The following PTPRD variants were observed in gnomAD, a reference collection of about 807,000 sequenced individuals.
PTPRD encodes the protein protein tyrosine phosphatase receptor type D, also known as receptor-type tyrosine-protein phosphatase delta.
PTPRD carries 34 observed loss-of-function variants against 214.5 expected under a neutral mutation model. The observed-to-expected ratio is 0.16, with a 90% confidence interval of 0.12 to 0.21. The LOEUF is 0.21. PTPRD is among the 10% of genes least tolerant of loss of function. PTPRD has a pLI of 1.00. For missense variants in PTPRD, 2,545 were observed against 2,398.7 expected, an observed-to-expected ratio of 1.06 and a Z score of -1.27; for synonymous variants, 1,128 against 845.7, an observed-to-expected ratio of 1.33 and a Z score of -5.79.
chr9:9,194,818 G>A (rs2099937319), intron 9 of PTPRD, among the ~76,000 whole-genome samples: 1 of 151,996 alleles, frequency 6.6e-6, no homozygotes, highest in Non-Finnish European at 1.5e-5. Context: ...AAGGGGATGT[G>A]GAACAAAATG....
intron 2 of PTPRD, among the ~76,000 whole-genome samples, chr9:10,410,238 C>T (rs993844610): frequency 2.1e-5 from 2 of 97,112 alleles, no homozygotes; most frequent in Non-Finnish European, 4.4e-5. Flanking sequence ...AGGTAATTAA[C>T]TGGACATATT....
At chr9:9,169,265 G>C (rs1045347604) in intron 10 of PTPRD, among the ~76,000 whole-genome samples, 4 of 151,862 alleles carry the variant, frequency 2.6e-5, no homozygotes, top group African/African-American at 9.7e-5. Flanking sequence ...ATATATAAAG[G>C]TCATACTACA....
intron 12 of PTPRD, among the ~76,000 whole-genome samples, chr9:8,664,016 T>G (rs2154357106): frequency 6.6e-6 from 1 of 152,106 alleles, no homozygotes; most frequent in African/African-American, 2.4e-5. Flanking sequence ...CATGGAAAAA[T>G]ATTTCCTGCA....
intron 11 of PTPRD, among the ~76,000 whole-genome samples, chr9:8,897,361 G>C (rs1378047180): frequency 6.6e-6 from 1 of 152,126 alleles, no homozygotes; most frequent in East Asian, 1.9e-4. Context: ...GATTGAGCTG[G>C]GCTGGAATTT....
At chr9:8,351,470 T>C (rs1213688727) in intron 39 of PTPRD, among the ~76,000 whole-genome samples, 3 of 151,006 alleles carry the variant, frequency 2.0e-5, no homozygotes, top group Admixed American at 6.6e-5. Flanking sequence ...TATAAAGCAA[T>C]GGGTAAAAAG....
chr9:9,485,149 A>G (rs1270825223), intron 8 of PTPRD, among the ~76,000 whole-genome samples: 1 of 152,206 alleles, frequency 6.6e-6, no homozygotes, highest in Admixed American at 6.5e-5. Context: ...TCTCCACTGT[A>G]AAAATAATCT....
intron 10 of PTPRD, among the ~76,000 whole-genome samples, chr9:9,080,929 C>G (rs2154421397): frequency 6.6e-6 from 1 of 152,028 alleles, no homozygotes; most frequent in African/African-American, 2.4e-5. Flanking sequence ...TTTTGTTAAT[C>G]TTTTCAAAAA....
At chr9:9,717,325 G>C (rs756749116) in intron 7 of PTPRD, among the ~76,000 whole-genome samples, 26 of 152,170 alleles carry the variant, frequency 1.7e-4, no homozygotes, top group Non-Finnish European at 3.4e-4. Flanking sequence ...GATTGACTTG[G>C]TAATGCGGGC....
chr9:9,847,194 A>C (rs993111356), intron 5 of PTPRD, among the ~76,000 whole-genome samples: 13 of 152,098 alleles, frequency 8.5e-5, no homozygotes, highest in African/African-American at 3.1e-4. Context: ...TTGTCCCTGT[A>C]CATGATTAAA....
intron 36 of PTPRD, among the ~76,000 whole-genome samples, chr9:8,390,552 C>T (rs1214094206): frequency 3.1e-5 from 4 of 129,964 alleles, no homozygotes; most frequent in Admixed American, 1.4e-4. Flanking sequence ...TGTTAAGTTG[C>T]TTTATTGCCT....
intron 9 of PTPRD, among the ~76,000 whole-genome samples, chr9:9,326,178 G>T (rs975010975): frequency 1.3e-5 from 2 of 152,226 alleles, no homozygotes; most frequent in African/African-American, 4.8e-5. Context: ...GTGACTTAAT[G>T]AAGGGAAAGA....
chr9:9,234,521 C>T (rs931477309), intron 9 of PTPRD, among the ~76,000 whole-genome samples: 1 of 152,176 alleles, frequency 6.6e-6, no homozygotes, highest in Non-Finnish European at 1.5e-5. Context: ...GAATTTCTCC[C>T]CAGAAAATTG....
chr9:10,163,076 G>C (rs74954604), intron 3 of PTPRD, among the ~76,000 whole-genome samples: 4,154 of 150,556 alleles, frequency 0.028, 75 homozygotes, highest in South Asian at 0.063. Context: ...AATAAGAAAA[G>C]GAATCATGAA....
chr9:8,778,021 C>T (rs758284909), intron 11 of PTPRD, among the ~76,000 whole-genome samples: 7 of 152,150 alleles, frequency 4.6e-5, no homozygotes, highest in African/African-American at 1.7e-4. Flanking sequence ...GGATTGGTTA[C>T]TTGCTTTCTC....
rs186337205 is a variant in PTPRD, at chr9:8,827,588, T to C, written c.-103-93642A>G. 4.6e-4 allele frequency among the ~76,000 whole-genome samples: 70 copies of C among 152,252 alleles called. No individual in the cohort carries two copies. The East Asian group carries it at 0.012, about 26-fold the overall frequency. Reference sequence around the variant, plus strand: ...GGCCACCACACTCCAGCCTGGGCAATAGAGTGAGACTCTGTCTCAAACAAA... The same window carrying C: ...GGCCACCACACTCCAGCCTGGGCAACAGAGTGAGACTCTGTCTCAAACAAA... On this transcript the variant is annotated intron_variant, in intron 11 of 45. Transcript: ENST00000381196.
At chr9:10,601,167 T>A (rs1036808868) in intron 2 of PTPRD, among the ~76,000 whole-genome samples, 22 of 151,776 alleles carry the variant, frequency 1.4e-4, no homozygotes, top group African/African-American at 5.1e-4. Flanking sequence ...ATTTGCATTT[T>A]AAAATTCCCA....
chr9:8,414,387 C>T (rs1305750310), intron 35 of PTPRD, among the ~76,000 whole-genome samples: 1 of 152,178 alleles, frequency 6.6e-6, no homozygotes, highest in East Asian at 1.9e-4. Flanking sequence ...ATAATGGCTA[C>T]TTGCCAATGA....
At chr9:9,212,811 T>A (rs1007530768) in intron 9 of PTPRD, among the ~76,000 whole-genome samples, 2 of 152,132 alleles carry the variant, frequency 1.3e-5, no homozygotes, top group African/African-American at 2.4e-5. Flanking sequence ...AACCATTACA[T>A]AGTTTCTATT....
chr9:10,489,483 A>AC (rs2099153970), intron 2 of PTPRD, among the ~76,000 whole-genome samples: 1 of 152,148 alleles, frequency 6.6e-6, no homozygotes, highest in Non-Finnish European at 1.5e-5. Context: ...TCAGTATGGC[A>AC]CATGTACACT....
Sources: allele counts gnomAD v4.1 joint callset (sites outside exome capture counted in the v4.1 genomes callset), GRCh38; gene constraint gnomAD v4.1.1; transcripts MANE v1.5; gene names NCBI Gene and HGNC (gene_info 2026-07-23, HGNC 2026-07-21).